The following TRIQK variants were observed in gnomAD, a reference collection of about 807,000 sequenced individuals.
The protein encoded by TRIQK is triple QxxK/R motif-containing protein.
TRIQK carries 10 observed loss-of-function variants against 10.8 expected under a neutral mutation model. The ratio of observed to expected loss-of-function variants is 0.92; its 90% CI spans 0.57 to 1.57. The LOEUF (loss-of-function observed/expected upper bound fraction) is 1.57. TRIQK is among the 40% of genes most tolerant of loss of function. The pLI, the probability that TRIQK is intolerant of heterozygous loss-of-function variation, is 0.00. For missense variants in TRIQK, 107 were observed against 97.7 expected, an observed-to-expected ratio of 1.09 and a Z score of -0.40; for synonymous variants, 33 against 33.7, an observed-to-expected ratio of 0.98 and a Z score of 0.07.
intron 1 of TRIQK, among the ~76,000 whole-genome samples, chr8:92,980,428 A>G (rs2130743386): frequency 6.6e-6 from 1 of 152,052 alleles, no homozygotes; most frequent in Non-Finnish European, 1.5e-5. Flanking sequence ...CCTGTTGAAT[A>G]CACTAGCTTC....
At chr8:92,933,576 T>C (rs1409413084) in intron 2 of TRIQK, among the ~76,000 whole-genome samples, 1 of 152,080 alleles carries the variant, frequency 6.6e-6, no homozygotes, top group Non-Finnish European at 1.5e-5. Flanking sequence ...CCTAAACATA[T>C]GACTGTCTGC....
chr8:92,949,605 G>C (rs1811727061), intron 2 of TRIQK, among the ~76,000 whole-genome samples: 1 of 137,902 alleles, frequency 7.3e-6, no homozygotes, highest in African/African-American at 2.7e-5. Context: ...AGAAAGAAAA[G>C]AGAAAGGAAG....
At chr8:92,943,538 A>T (rs939528061) in intron 2 of TRIQK, among the ~76,000 whole-genome samples, 3 of 152,216 alleles carry the variant, frequency 2.0e-5, no homozygotes, top group Admixed American at 6.5e-5. Flanking sequence ...CAGCCAACTG[A>T]TGTTCAACAA....
chr8:93,002,758 A>T (rs1485064152), intron 1 of TRIQK, among the ~76,000 whole-genome samples: 2 of 152,034 alleles, frequency 1.3e-5, no homozygotes, highest in East Asian at 3.9e-4. Flanking sequence ...CATCTCTACT[A>T]AAAATAAAAA....
chr8:92,995,683 G>A (rs1302222656), intron 1 of TRIQK, among the ~76,000 whole-genome samples: 1 of 151,710 alleles, frequency 6.6e-6, no homozygotes, highest in Non-Finnish European at 1.5e-5. Flanking sequence ...AATTATCTAT[G>A]TTTCTTCCAG....
At chr8:92,911,797 A>C (rs1299896211) in intron 3 of TRIQK, among the ~76,000 whole-genome samples, 3 of 150,052 alleles carry the variant, frequency 2.0e-5, no homozygotes, top group African/African-American at 7.3e-5. Context: ...ATATACATAT[A>C]TATGTGTATA....
At chr8:92,981,229 G>A (rs1340147409) in intron 1 of TRIQK, among the ~76,000 whole-genome samples, 1 of 151,726 alleles carries the variant, frequency 6.6e-6, no homozygotes, top group Admixed American at 6.6e-5. Flanking sequence ...GCCTGTTCGT[G>A]AGGTCTGTTT....
intron 3 of TRIQK, among the ~76,000 whole-genome samples, chr8:92,907,930 A>C (rs1809367305): frequency 6.6e-6 from 1 of 152,144 alleles, no homozygotes; most frequent in Non-Finnish European, 1.5e-5. Context: ...GTCATCATTT[A>C]CCATTCCTCA....
At chr8:92,935,265 A>G (rs984265434) in intron 2 of TRIQK, among the ~76,000 whole-genome samples, 5 of 151,830 alleles carry the variant, frequency 3.3e-5, no homozygotes, top group African/African-American at 9.7e-5. Context: ...ACTGTTCAAG[A>G]TAATAAAAGA....
At chr8:92,991,682 C>G (rs7840398) in intron 1 of TRIQK, among the ~76,000 whole-genome samples, 40,829 of 151,974 alleles carry the variant, frequency 0.27, 6,423 homozygotes, top group African/African-American at 0.44. Flanking sequence ...AGAAATAAAG[C>G]GTATTCAAAT....
intron 2 of TRIQK, among the ~76,000 whole-genome samples, chr8:92,925,355 A>G (rs1424952879): frequency 6.6e-6 from 1 of 152,156 alleles, no homozygotes; most frequent in Non-Finnish European, 1.5e-5. Flanking sequence ...TGAAGAAAAC[A>G]TAGTAGGATA....
intron 1 of TRIQK, among the ~76,000 whole-genome samples, chr8:92,955,942 G>C (rs936356298): frequency 6.6e-6 from 1 of 151,658 alleles, no homozygotes; most frequent in Non-Finnish European, 1.5e-5. Flanking sequence ...GGAGAAATTG[G>C]AATCTTCATA....
chr8:92,897,485 G>C (rs1808672479), intron 3 of TRIQK, among the ~76,000 whole-genome samples: 1 of 152,142 alleles, frequency 6.6e-6, no homozygotes, highest in Admixed American at 6.5e-5. Context: ...GAATGAATTA[G>C]TTATCACAGG....
At chr8:93,013,532 T>C (rs902267098) in intron 1 of TRIQK, among the ~76,000 whole-genome samples, 4 of 152,266 alleles carry the variant, frequency 2.6e-5, no homozygotes, top group African/African-American at 7.2e-5. Flanking sequence ...AGAGGGCTTT[T>C]AGATAAGCAC....
chr8:92,961,714 A>G (rs1478509390), intron 1 of TRIQK, among the ~76,000 whole-genome samples: 1 of 152,246 alleles, frequency 6.6e-6, no homozygotes, highest in East Asian at 1.9e-4. Context: ...TAACATTCAA[A>G]GTATGTAAAA....
chr8:92,970,043 G>GT (rs1812858915), upstream of TRIQK, among the ~76,000 whole-genome samples: 1 of 152,098 alleles, frequency 6.6e-6, no homozygotes, highest in Non-Finnish European at 1.5e-5. Context: ...AATATTCAGT[G>GT]TTTGGTTTTC....
intron 2 of TRIQK, among the ~76,000 whole-genome samples, chr8:92,929,930 T>TA (rs1471436807): frequency 6.6e-6 from 1 of 152,126 alleles, no homozygotes; most frequent in Non-Finnish European, 1.5e-5. Context: ...AAAAAGTAAT[T>TA]AATCGCATAA....
At chr8:92,913,920 G>T (rs1253064044) in intron 3 of TRIQK, among the ~76,000 whole-genome samples, 1 of 152,140 alleles carries the variant, frequency 6.6e-6, no homozygotes, top group African/African-American at 2.4e-5. Flanking sequence ...GTTGAACATT[G>T]AGAACATACG....
chr8:93,006,213 TAGA>T (rs1220214269), intron 1 of TRIQK, among the ~76,000 whole-genome samples: 1 of 151,922 alleles, frequency 6.6e-6, no homozygotes, highest in African/African-American at 2.4e-5. Flanking sequence ...GGCTCCCATC[TAGA>T]AGAACGAAAA....
Sources: allele counts gnomAD v4.1 joint callset (sites outside exome capture counted in the v4.1 genomes callset), GRCh38; gene constraint gnomAD v4.1.1; transcripts MANE v1.5; gene names NCBI Gene and HGNC (gene_info 2026-07-23, HGNC 2026-07-21).